SMARCA2: variants seen among roughly 807,000 people sequenced by gnomAD.
SMARCA2 encodes SWI/SNF-related matrix-associated actin-dependent regulator of chromatin subfamily A member 2.
In SMARCA2, 61 loss-of-function variants were observed where a neutral mutation model predicts 199.8. The observed-to-expected ratio is 0.31, with a 90% CI of 0.25 to 0.38. SMARCA2 has a LOEUF of 0.38. Ranked by LOEUF, SMARCA2 falls within the 10% of genes least tolerant of loss-of-function variation. The pLI is 1.00. For synonymous variants in SMARCA2, 935 were observed against 732.0 expected (o/e 1.28, Z -4.48); for missense variants, 1,344 against 2,012.2 (o/e 0.67, Z 6.35).
At chr9:2,043,472 AAAAG>A (rs1428274632) in intron 4 of SMARCA2, 3 of 152,238 alleles carry the variant, frequency 2.0e-5, no homozygotes, top group African/African-American at 7.2e-5. Flanking sequence ...GATTCAAACA[AAAAG>A]AAAAATGGGA....
rs7853308 is a variant in SMARCA2, at chr9:2,104,779, C to A, written c.3292+610C>A. Among the ~76,000 whole-genome samples the A allele has an allele frequency of 0.13, 19,060 of 152,046 alleles. 1,688 individuals carry two copies. The highest frequency in any genetic ancestry group is 0.34 in the East Asian group (1,754 of 5,176). On this transcript the variant is annotated intron_variant, in intron 23 of 33. Coordinates refer to ENST00000349721, the MANE Select transcript of SMARCA2 (RefSeq NM_003070.5). The surrounding 1 kb of genome is among the most constrained non-coding windows in gnomAD (Gnocchi z 4.0). The stretch of plus-strand genomic sequence containing the variant: ...TAGTAAGAAAAAATATTAATGGAAG[C>A]AAATATGATTTTAGGGATAATCCCT...
intron 33 of SMARCA2, 160 bp downstream of exon 33, chr9:2,191,568 T>C (rs1327420874): frequency 5.2e-6 from 4 of 763,862 alleles, no homozygotes; most frequent in Non-Finnish European, 8.5e-6. Flanking sequence ...AACGGAGCTG[T>C]ATGATTTAGA....
intron 3 of SMARCA2, among the ~76,000 whole-genome samples, chr9:2,034,934 G>A (rs1819255950): frequency 1.3e-5 from 2 of 152,202 alleles, no homozygotes; most frequent in South Asian, 4.1e-4. Context: ...GGTTATGAAT[G>A]AAGTAAGACA....
chr9:2,084,329 G>A lies in SMARCA2; in HGVS notation c.2526+133G>A, dbSNP rs551847534. ...TCTTTATTTTTCTAAAATTTTTTCA[G>A]AGTTTGATATGTTTTGGTCGTGGAT... is the stretch of plus-strand genomic sequence containing the variant. On this transcript the variant is annotated intron_variant, in intron 17 of 33. Transcript: ENST00000349721. The A allele has an allele frequency of 5.1e-6, 3 of 592,196 alleles. No homozygotes were observed. In the East Asian group the frequency reaches 8.4e-5, roughly 17 times the overall value. The allele number at this position is 592,196 out of a possible 1,614,324, so 36.7% of individuals were successfully genotyped here. A position where few individuals can be genotyped will look rare whatever the true frequency, so the allele number is the denominator to read the frequency against.
At chr9:2,074,173 G>C (rs1455652938) in intron 12 of SMARCA2, among the ~76,000 whole-genome samples, 1 of 152,118 alleles carries the variant, frequency 6.6e-6, no homozygotes, top group Non-Finnish European at 1.5e-5. Context: ...GAAGCGCTCA[G>C]TCTCTTGGAA....
Position 2,084,329 on chromosome 9 carries a change from G to T in SMARCA2, c.2526+133G>T, listed in dbSNP as rs551847534. 8 of 592,314 alleles carry T rather than the reference G, an allele frequency of 1.4e-5. No individual in the cohort carries two copies. The East Asian group carries it at 2.2e-4, about 17-fold the overall frequency. The allele number at this position is 592,314 out of a possible 1,614,324, so 36.7% of individuals were successfully genotyped here. ...TCTTTATTTTTCTAAAATTTTTTCA[G>T]AGTTTGATATGTTTTGGTCGTGGAT... On this transcript the variant is annotated intron_variant, in intron 17 of 33. Coordinates refer to ENST00000349721, the MANE Select transcript of SMARCA2 (RefSeq NM_003070.5).
At chr9:2,157,592 T>A in intron 27 of SMARCA2, 1 of 294,586 alleles carries the variant, frequency 3.4e-6, no homozygotes, top group Non-Finnish European at 6.2e-6. Context: ...GAAATTTCCA[T>A]GCCTTGTCTG....
chr9:2,056,788 G>C lies in SMARCA2; in HGVS notation c.1290G>C (p.Glu430Asp). Residue 430 changes from glutamate (E) to aspartate (D), a missense_variant, in exon 7 of 34, where the codon GAG becomes GAC. By Grantham distance (45) the Glu-to-Asp change is conservative (BLOSUM62 2). Coordinates refer to ENST00000349721, the MANE Select transcript of SMARCA2 (RefSeq NM_003070.5). The surrounding 1 kb of genome is among the most constrained non-coding windows in gnomAD (Gnocchi z 4.0). The part of the protein sequence containing the change: ...RQTLREARMT[E>D]KLEKQQKIEQ... ...CTCTGAGAGAAGCTCGCATGACCGAGAAGCTGGAGAAGCAGCAGAAGATTG... is the reference window on the plus strand; with the variant it reads ...CTCTGAGAGAAGCTCGCATGACCGACAAGCTGGAGAAGCAGCAGAAGATTG... 6 of 1,614,204 alleles carry C rather than the reference G, an allele frequency of 3.7e-6. No homozygotes were observed. The highest frequency in any genetic ancestry group is 4.2e-6 in the Non-Finnish European group (5 of 1,180,024).
chr9:2,170,574 G>T lies in SMARCA2; in HGVS notation c.4253+102G>T, dbSNP rs566084035. On this transcript the variant is annotated intron_variant, in intron 29 of 33. Coordinates refer to ENST00000349721, the MANE Select transcript of SMARCA2 (RefSeq NM_003070.5). The surrounding 1 kb of genome is among the most constrained non-coding windows in gnomAD (Gnocchi z 4.7). ...TCGGCCTTTGGAAGCAAATTTCTTC[G>T]GTCACCTCCTGATCACCCCTACTTG... 1.3e-6 allele frequency: 2 copies of T among 1,583,674 alleles called. No homozygotes were observed. The highest frequency in any genetic ancestry group is 2.3e-5 in the East Asian group (1 of 44,378).
At chr9:2,047,703 G>A (rs1245230259) in intron 5 of SMARCA2, 1 of 356,982 alleles carries the variant, frequency 2.8e-6, no homozygotes, top group South Asian at 1.3e-4. Context: ...GGACCCGAGA[G>A]AGTGATCATC....
Position 2,070,432 on chromosome 9 carries a change from T to G in SMARCA2, c.1707T>G (p.Asn569Lys), listed in dbSNP as rs1210752151. 3.7e-6 allele frequency: 6 copies of G among 1,613,984 alleles called. No individual in the cohort carries two copies. The highest frequency in any genetic ancestry group is 5.1e-6 in the Non-Finnish European group (6 of 1,179,900). Reference protein sequence around the residue: ...RRRRKKKAEENAEGGESALGP... With the variant: ...RRRRKKKAEEKAEGGESALGP... ...TTGTTTTGCAGAAGGCTGAGGAGAA[T>G]GCAGAGGGTGGGGAGTCTGCCCTGG... Residue 569 changes from asparagine (N) to lysine (K), a missense_variant, in exon 10 of 34, where the codon AAT becomes AAG. By Grantham distance (94) the Asn-to-Lys change is moderately conservative (BLOSUM62 0). This residue lies in a region of SMARCA2 where 68 missense variants were observed against 70.4 expected (regional missense o/e 0.97). Transcript: ENST00000349721.
intron 27 of SMARCA2, among the ~76,000 whole-genome samples, chr9:2,142,267 T>C (rs572234948): frequency 6.6e-5 from 10 of 152,354 alleles, no homozygotes; most frequent in African/African-American, 1.9e-4. Flanking sequence ...AATTGGCTTT[T>C]CCTGTTCTAG....
At chr9:2,033,555 T>C (rs1819168073) in intron 3 of SMARCA2, among the ~76,000 whole-genome samples, 1 of 152,242 alleles carries the variant, frequency 6.6e-6, no homozygotes, top group Non-Finnish European at 1.5e-5. Flanking sequence ...TGCTTATCCA[T>C]TGTCTATAAG....
In SMARCA2 at chr9:2,070,429, G is replaced by C. The variant is rs1337433070; in HGVS notation, c.1704G>C (p.Glu568Asp). The C allele has an allele frequency of 1.9e-6, 3 of 1,613,918 alleles. No homozygotes were observed. The highest frequency in any genetic ancestry group is 1.7e-6 in the Non-Finnish European group (2 of 1,179,866). Residue 568 changes from glutamate to aspartate, a missense_variant, in exon 10 of 34, where the codon GAG becomes GAC. Glu to Asp is a conservative substitution (Grantham distance 45). Around this residue, in one of 18 missense-constraint regions of SMARCA2, gnomAD observed 68 missense variants for 70.4 expected, o/e 0.97. Transcript: ENST00000349721. ...TTGTTGTTTTGCAGAAGGCTGAGGA[G>C]AATGCAGAGGGTGGGGAGTCTGCCC... is the stretch of plus-strand genomic sequence containing the variant. ...KRRRRKKKAE[E>D]NAEGGESALG...
At chr9:2,061,467 C>T (rs1405121271) in intron 9 of SMARCA2, among the ~76,000 whole-genome samples, 1 of 152,078 alleles carries the variant, frequency 6.6e-6, no homozygotes, top group East Asian at 1.9e-4. Flanking sequence ...CCCTGTGTCG[C>T]AGTGAGGTGA....
chr9:2,114,440 G>C (rs1037886152), intron 24 of SMARCA2, among the ~76,000 whole-genome samples: 2 of 152,206 alleles, frequency 1.3e-5, no homozygotes, highest in Admixed American at 1.3e-4. Context: ...CAGGAGACTT[G>C]TCTGGTCAAG....
intron 1 of SMARCA2, among the ~76,000 whole-genome samples, chr9:2,028,441 C>A (rs933383733): frequency 1.3e-5 from 2 of 152,176 alleles, no homozygotes; most frequent in African/African-American, 4.8e-5. Flanking sequence ...TTGTCTGATT[C>A]CTATAGCCTT....
chr9:2,064,830 C>G (rs950077465), intron 9 of SMARCA2, among the ~76,000 whole-genome samples: 1 of 152,182 alleles, frequency 6.6e-6, no homozygotes, highest in African/African-American at 2.4e-5. Context: ...CTTTAGGGTA[C>G]ATTTTTCCTT....
chr9:2,170,902 C>T lies in SMARCA2; in HGVS notation c.4253+430C>T, dbSNP rs142595085. Among the ~76,000 whole-genome samples, 139 of 152,316 alleles carry T rather than the reference C, an allele frequency of 9.1e-4. No homozygotes were observed. Among genetic ancestry groups the T allele is most frequent in the African/African-American group, 3.2e-3 (135 of 41,564 alleles). ...TGATCTCCTGCGAGACATGAAGAAGCGTGCATGTTCACGCTGTGTCTGCAT... is the reference window on the plus strand; with the variant it reads ...TGATCTCCTGCGAGACATGAAGAAGTGTGCATGTTCACGCTGTGTCTGCAT... On this transcript the variant is annotated intron_variant, in intron 29 of 33. Coordinates refer to ENST00000349721, the MANE Select transcript of SMARCA2 (RefSeq NM_003070.5). The surrounding 1 kb of genome is among the most constrained non-coding windows in gnomAD (Gnocchi z 4.7).
Sources: allele counts gnomAD v4.1 joint callset (sites outside exome capture counted in the v4.1 genomes callset), GRCh38; gene constraint gnomAD v4.1.1; regional missense constraint gnomAD v4.1.1; non-coding constraint Gnocchi (gnomAD v3.1); transcripts MANE v1.5; gene names NCBI Gene and HGNC (gene_info 2026-07-23, HGNC 2026-07-21).